The following TBC1D13 variants were observed in gnomAD, a reference collection of about 807,000 sequenced individuals.
TBC1D13 encodes the protein TBC1 domain family member 13.
A neutral mutation model predicts 53.6 loss-of-function variants in TBC1D13; 40 were observed. That is an observed-to-expected ratio of 0.75 (90% confidence interval 0.58 to 0.97). TBC1D13 has a LOEUF of 0.97. Among genes scored for constraint, TBC1D13 ranks in the 50% least tolerant of loss-of-function variants. The probability of loss-of-function intolerance (pLI) is 0.00; values close to 1 mark genes in which losing one functional copy is unlikely to be tolerated. For missense variants in TBC1D13, 377 were observed against 499.4 expected, an observed-to-expected ratio of 0.75 and a Z score of 2.34; for synonymous variants, 182 against 197.7, an observed-to-expected ratio of 0.92 and a Z score of 0.67.
rs753924535 is a variant in TBC1D13 at position 128,808,091 on chromosome 9, C to T, written c.*212C>T. 96 of 572,012 alleles carry T rather than the reference C, an allele frequency of 1.7e-4. No homozygotes were observed. Among genetic ancestry groups the T allele is most frequent in the Non-Finnish European group, 2.7e-4 (84 of 316,640 alleles). The allele number at this position is 572,012 out of a possible 1,614,324, so 35.4% of individuals were successfully genotyped here. On this transcript the variant is annotated 3_prime_UTR_variant, in exon 12 of 12. Transcript: ENST00000372648. Reference sequence around the variant, plus strand: ...CTGCCCTGCACTCTGCCCTCTTTGCCCAGGATACTGAGGAGGGCTGGAGCT... The same window carrying T: ...CTGCCCTGCACTCTGCCCTCTTTGCTCAGGATACTGAGGAGGGCTGGAGCT...
chr9:128,798,686 C>G (rs950575571), intron 7 of TBC1D13, among the ~76,000 whole-genome samples: 1 of 152,118 alleles, frequency 6.6e-6, no homozygotes, highest in Admixed American at 6.6e-5. Context: ...TGTAGTCAAA[C>G]AAGTATATTA....
chr9:128,790,611 G>T, intron 2 of TBC1D13, 124 bp from the exon 3 acceptor site: 1 of 848,548 alleles, frequency 1.2e-6, no homozygotes. Flanking sequence ...ATCTTTCTTG[G>T]GGAAATGATT....
intron 7 of TBC1D13, among the ~76,000 whole-genome samples, chr9:128,801,767 G>GTTTTTTTT (rs61640466): frequency 1.4e-5 from 2 of 140,708 alleles, no homozygotes; most frequent in African/African-American, 2.6e-5. Context: ...TTTGTTTTTT[G>GTTTTTTTT]TTTTTTTTTT....
chr9:128,798,419 CATG>C (rs1217575318), intron 7 of TBC1D13, among the ~76,000 whole-genome samples: 8 of 151,946 alleles, frequency 5.3e-5, no homozygotes, highest in Non-Finnish European at 1.2e-4. Context: ...GGGCCTTTGT[CATG>C]AGGGGTGGGG....
At position 128,804,068 on chromosome 9, in the gene TBC1D13, G is replaced by A. The variant is rs771004649; in HGVS notation, c.867G>A (p.Glu289=). 7 of 1,614,024 alleles carry A rather than the reference G, an allele frequency of 4.3e-6. No homozygotes were observed. The highest frequency in any genetic ancestry group is 1.1e-5 in the South Asian group (1 of 91,080). Residue 289 remains glutamate, a synonymous_variant, in exon 9 of 12, where the codon GAG becomes GAA. Transcript: ENST00000372648. ...DSQCGITYKM[E]KVYSTLKDKD... ...AGTGTGGCATCACCTACAAGATGGA[G>A]AAGGTTTACTCCACCTTGAAAGATA...
chr9:128,791,062 CA>C (rs1829523863), intron 3 of TBC1D13, among the ~76,000 whole-genome samples: 1 of 152,188 alleles, frequency 6.6e-6, no homozygotes, highest in Non-Finnish European at 1.5e-5. Flanking sequence ...GTGCTTTGCC[CA>C]AAGCTCCCAG....
At position 128,791,702 on chromosome 9, in the gene TBC1D13, A is replaced by G. The variant is rs746063892; in HGVS notation, c.300+9A>G. The G allele has an allele frequency of 1.2e-5, 19 of 1,612,870 alleles. No individual in the cohort carries two copies. The East Asian group carries it at 3.1e-4, about 26-fold the overall frequency. On this transcript the variant is annotated intron_variant, in intron 5 of 11. Transcript: ENST00000372648. Reference sequence around the variant, plus strand: ...TGACTTTTGAGGACCATGTGAGTAGAGGTTGACAGCGGAGACCCAGGATAC... The same window carrying G: ...TGACTTTTGAGGACCATGTGAGTAGGGGTTGACAGCGGAGACCCAGGATAC...
intron 7 of TBC1D13, among the ~76,000 whole-genome samples, chr9:128,799,252 A>T (rs1829691158): frequency 6.6e-6 from 1 of 152,188 alleles, no homozygotes; most frequent in Non-Finnish European, 1.5e-5. Context: ...TGTAAAGAGC[A>T]CTGTTACCTG....
intron 6 of TBC1D13, among the ~76,000 whole-genome samples, chr9:128,794,403 G>T (rs1829588944): frequency 6.6e-6 from 1 of 152,202 alleles, no homozygotes. Flanking sequence ...TGATTGCTGT[G>T]TTCAAGTCAA....
Position 128,808,011 on chromosome 9 carries a change from C to T in TBC1D13, c.*132C>T. The T allele has an allele frequency of 6.2e-6, 5 of 800,104 alleles. No individual in the cohort carries two copies. Among genetic ancestry groups the T allele is most frequent in the Non-Finnish European group, 1.1e-5 (5 of 475,686 alleles). 49.6% of individuals were successfully genotyped at this position (800,104 alleles called of 1,614,324 possible). ...GGATCGGCCCGAGACCCAGGCCATG[C>T]CCACTGGGGACACACTGTGCCGTGC... On this transcript the variant is annotated 3_prime_UTR_variant, in exon 12 of 12. Coordinates refer to ENST00000372648, the MANE Select transcript of TBC1D13 (RefSeq NM_018201.5).
chr9:128,789,035 C>T (rs1263511578), intron 2 of TBC1D13, among the ~76,000 whole-genome samples: 1 of 152,166 alleles, frequency 6.6e-6, no homozygotes, highest in African/African-American at 2.4e-5. Flanking sequence ...CCAGCAAGAA[C>T]TTCTGGCCGG....
chr9:128,788,837 G>A (rs905973273), intron 2 of TBC1D13, among the ~76,000 whole-genome samples: 20 of 152,294 alleles, frequency 1.3e-4, no homozygotes, highest in African/African-American at 4.6e-4. Context: ...TGGGGTCTAA[G>A]CTGCCTGAAC....
chr9:128,806,627 G>A (rs1829839476), intron 11 of TBC1D13, among the ~76,000 whole-genome samples: 1 of 152,178 alleles, frequency 6.6e-6, no homozygotes, highest in Non-Finnish European at 1.5e-5. Context: ...GCCCGGGGAA[G>A]GAGGGTGGGG....
intron 7 of TBC1D13, 96 bp from the exon 8 acceptor site, chr9:128,803,154 G>A: frequency 8.9e-7 from 1 of 1,124,354 alleles, no homozygotes; most frequent in Non-Finnish European, 1.3e-6. Flanking sequence ...CTGGGGCTCA[G>A]CTCCCACCTC....
In TBC1D13 at chr9:128,808,957, C is replaced by G. The variant is rs16930661; in HGVS notation, c.*1078C>G. Reference sequence around the variant, plus strand: ...AGGTTCCCCCAGAGGCCCTCCTGTCCGAAAAGAAAAGGACCTTGATTCTGA... The same window carrying G: ...AGGTTCCCCCAGAGGCCCTCCTGTCGGAAAAGAAAAGGACCTTGATTCTGA... On this transcript the variant is annotated 3_prime_UTR_variant, in exon 12 of 12. Coordinates refer to ENST00000372648, the MANE Select transcript of TBC1D13 (RefSeq NM_018201.5). 2 of 152,100 alleles carry G rather than the reference C, an allele frequency of 1.3e-5. No homozygotes were observed. Among genetic ancestry groups the G allele is most frequent in the Non-Finnish European group, 2.9e-5 (2 of 68,046 alleles). The allele number at this position is 152,100 out of a possible 1,614,324, so 9.4% of individuals were successfully genotyped here.
In TBC1D13 at chr9:128,795,411, A is replaced by G. The variant is rs1829610456; in HGVS notation, c.384-1644A>G. Among the ~76,000 whole-genome samples, 3 of 124,014 alleles carry G rather than the reference A, an allele frequency of 2.4e-5. No individual in the cohort carries two copies. The South Asian group carries it at 8.3e-4, about 34-fold the overall frequency. 81.4% of individuals were successfully genotyped at this position (124,014 alleles called of 152,430 possible). A position where few individuals can be genotyped will look rare whatever the true frequency, so the allele number is the denominator to read the frequency against. On this transcript the variant is annotated intron_variant, in intron 6 of 11. Coordinates refer to ENST00000372648, the MANE Select transcript of TBC1D13 (RefSeq NM_018201.5). ...GTATTTTTAGTAGAGATGGGGTTTC[A>G]CCGTGTTAGCTAGGATGGTCACCAT...
At chr9:128,796,192 A>G (rs896860418) in intron 6 of TBC1D13, among the ~76,000 whole-genome samples, 2 of 151,816 alleles carry the variant, frequency 1.3e-5, no homozygotes, top group Admixed American at 6.6e-5. Context: ...GGCTCAAGCA[A>G]TTCCTGTGTC....
At position 128,791,659 on chromosome 9, in the gene TBC1D13, G is replaced by A. The variant is rs1829535779; in HGVS notation, c.266G>A (p.Gly89Asp). 6.2e-7 allele frequency: 1 copy of A among 1,614,230 alleles called. No individual in the cohort carries two copies. The highest frequency in any genetic ancestry group is 8.5e-7 in the Non-Finnish European group (1 of 1,180,034). ...IQPGIAKANM[G>D]VSREDVTFED... Reference sequence around the variant, plus strand: ...CCTGGCATTGCCAAGGCCAACATGGGTGTGTCCAGGGAGGATGTGACTTTT... The same window carrying A: ...CCTGGCATTGCCAAGGCCAACATGGATGTGTCCAGGGAGGATGTGACTTTT... The change falls in exon 5 of 12, where the codon GGT becomes GAT. Residue 89 changes from glycine to aspartate, a missense_variant. Physicochemically the swap from Gly to Asp is moderately conservative, Grantham distance 94 (BLOSUM62 -1). Coordinates refer to ENST00000372648, the MANE Select transcript of TBC1D13 (RefSeq NM_018201.5).
At chr9:128,799,007 C>G (rs555596090) in intron 7 of TBC1D13, among the ~76,000 whole-genome samples, 27 of 152,220 alleles carry the variant, frequency 1.8e-4, no homozygotes, top group Non-Finnish European at 3.7e-4. Flanking sequence ...AGCCACCACA[C>G]CCAGCTGGAA....
Sources: gnomAD v4.1 joint callset for allele counts (sites outside exome capture counted in the v4.1 genomes callset) on GRCh38, gnomAD v4.1.1 for gene constraint, MANE v1.5 for transcripts, NCBI Gene and HGNC (gene_info 2026-07-23, HGNC 2026-07-21) for gene names.